NOS1AP: variants seen among roughly 807,000 people sequenced by gnomAD.
NOS1AP encodes carboxyl-terminal PDZ ligand of neuronal nitric oxide synthase protein.
In NOS1AP, 21 loss-of-function variants were observed where a neutral mutation model predicts 56.2. The observed-to-expected ratio is 0.37, with a 90% CI of 0.26 to 0.54. The LOEUF (loss-of-function observed/expected upper bound fraction) is 0.54. NOS1AP is among the 20% of genes least tolerant of loss of function. NOS1AP has a pLI of 0.84. For missense variants in NOS1AP, 522 were observed against 657.8 expected, an observed-to-expected ratio of 0.79 and a Z score of 2.26; for synonymous variants, 270 against 274.6, an observed-to-expected ratio of 0.98 and a Z score of 0.17.
chr1:162,351,621 A>G (rs780464743), intron 6 of NOS1AP, among the ~76,000 whole-genome samples: 5 of 151,964 alleles, frequency 3.3e-5, no homozygotes, highest in African/African-American at 4.8e-5. Flanking sequence ...TCTTCACCCA[A>G]ATTATCTGCT....
chr1:162,339,400 TTA>T (rs1491372612), intron 5 of NOS1AP, among the ~76,000 whole-genome samples: 40 of 105,754 alleles, frequency 3.8e-4, no homozygotes, highest in East Asian at 1.5e-3. Flanking sequence ...GATGCTTTTT[TTA>T]AAAAAAAAAA....
At chr1:162,205,220 T>G (rs1652120118) in intron 2 of NOS1AP, among the ~76,000 whole-genome samples, 1 of 152,268 alleles carries the variant, frequency 6.6e-6, no homozygotes, top group African/African-American at 2.4e-5. Context: ...TATTGATTAC[T>G]GTGCGTCAGG....
intron 4 of NOS1AP, among the ~76,000 whole-genome samples, chr1:162,303,554 C>T (rs1655727674): frequency 1.3e-5 from 2 of 152,138 alleles, no homozygotes; most frequent in South Asian, 2.1e-4. Flanking sequence ...CAATTCCCTC[C>T]CCTCAGCCTT....
intron 6 of NOS1AP, among the ~76,000 whole-genome samples, chr1:162,350,731 A>G (rs1246513004): frequency 6.6e-6 from 1 of 152,220 alleles, no homozygotes; most frequent in African/African-American, 2.4e-5. Flanking sequence ...ATTAACTAGA[A>G]TCCTCGTGTC....
chr1:162,299,793 C>T (rs558835150), intron 3 of NOS1AP, among the ~76,000 whole-genome samples: 5 of 151,786 alleles, frequency 3.3e-5, no homozygotes, highest in Admixed American at 1.3e-4. Flanking sequence ...CGCGCACATA[C>T]GTAGTATGGT....
At chr1:162,354,242 T>C (rs1393170949) in intron 6 of NOS1AP, among the ~76,000 whole-genome samples, 1 of 152,224 alleles carries the variant, frequency 6.6e-6, no homozygotes, top group East Asian at 1.9e-4. Context: ...TTATAATTGG[T>C]GCGTGGTCTC....
At chr1:162,216,605 A>G (rs1652577415) in intron 2 of NOS1AP, among the ~76,000 whole-genome samples, 1 of 152,250 alleles carries the variant, frequency 6.6e-6, no homozygotes, top group East Asian at 1.9e-4. Context: ...TGGGAATATT[A>G]CAATTTGTCC....
chr1:162,253,145 G>A (rs1055940443), intron 2 of NOS1AP, among the ~76,000 whole-genome samples: 1 of 152,198 alleles, frequency 6.6e-6, no homozygotes, highest in Non-Finnish European at 1.5e-5. Context: ...TATGGAGGGA[G>A]TGGGTTTGTT....
chr1:162,343,690 G>T, intron 5 of NOS1AP, 145 bp from the exon 6 acceptor site: 1 of 876,770 alleles, frequency 1.1e-6, no homozygotes. Context: ...TTCAGAAAGG[G>T]GAAATGTCTT....
At chr1:162,266,626 TC>T (rs1654432917) in intron 2 of NOS1AP, among the ~76,000 whole-genome samples, 1 of 152,190 alleles carries the variant, frequency 6.6e-6, no homozygotes, top group Non-Finnish European at 1.5e-5. Context: ...TGCTACTGAG[TC>T]TTAAACATGG....
intron 1 of NOS1AP, among the ~76,000 whole-genome samples, chr1:162,096,764 G>C (rs909330361): frequency 6.6e-6 from 1 of 151,928 alleles, no homozygotes; most frequent in African/African-American, 2.4e-5. Context: ...ACCCTTATTA[G>C]TTCATTCATT....
intron 2 of NOS1AP, among the ~76,000 whole-genome samples, chr1:162,271,212 G>T (rs1654574247): frequency 1.3e-5 from 2 of 151,122 alleles, no homozygotes; most frequent in Admixed American, 6.6e-5. Flanking sequence ...TTCTACCCAG[G>T]AGTCCAGTGA....
chr1:162,165,328 A>G (rs772923879), intron 2 of NOS1AP, among the ~76,000 whole-genome samples: 8 of 152,216 alleles, frequency 5.3e-5, no homozygotes, highest in Non-Finnish European at 8.8e-5. Flanking sequence ...TCAAAAAAAA[A>G]AGAAAGACTT....
chr1:162,183,159 C>G (rs1651318717), intron 2 of NOS1AP, among the ~76,000 whole-genome samples: 1 of 152,206 alleles, frequency 6.6e-6, no homozygotes, highest in African/African-American at 2.4e-5. Context: ...ATGAAAACAA[C>G]ATTCATCCCC....
At chr1:162,338,034 C>CA (rs1438032050) in intron 5 of NOS1AP, among the ~76,000 whole-genome samples, 9 of 152,118 alleles carry the variant, frequency 5.9e-5, no homozygotes, top group African/African-American at 1.7e-4. Flanking sequence ...CCCCCCAACC[C>CA]AAAAAAATAC....
intron 3 of NOS1AP, among the ~76,000 whole-genome samples, chr1:162,300,186 C>T (rs1655598499): frequency 1.3e-5 from 2 of 152,190 alleles, no homozygotes; most frequent in African/African-American, 4.8e-5. Context: ...GGGTGCTTCT[C>T]ACCTCAGCAA....
At chr1:162,284,599 C>CA (rs1348678017) in intron 2 of NOS1AP, among the ~76,000 whole-genome samples, 1 of 151,698 alleles carries the variant, frequency 6.6e-6, no homozygotes, top group Non-Finnish European at 1.5e-5. Flanking sequence ...GTGACTGTGC[C>CA]CACAGACCCT....
chr1:162,083,563 C>A (rs954639077), intron 1 of NOS1AP, among the ~76,000 whole-genome samples: 3 of 152,116 alleles, frequency 2.0e-5, no homozygotes, highest in Admixed American at 6.5e-5. Context: ...TTTAATGTGG[C>A]TAGATTTCTT....
intron 6 of NOS1AP, among the ~76,000 whole-genome samples, chr1:162,350,252 G>C (rs1337049162): frequency 6.6e-6 from 1 of 152,250 alleles, no homozygotes; most frequent in Admixed American, 6.5e-5. Flanking sequence ...TGAGGAGCTG[G>C]AAAGTGCTGT....
Sources: gnomAD v4.1 joint callset for allele counts (sites outside exome capture counted in the v4.1 genomes callset) on GRCh38, gnomAD v4.1.1 for gene constraint, MANE v1.5 for transcripts, NCBI Gene and HGNC (gene_info 2026-07-23, HGNC 2026-07-21) for gene names.